TMEM165: variants seen among roughly 807,000 people sequenced by gnomAD.
TMEM165 encodes transmembrane protein 165.
A neutral mutation model predicts 30.0 loss-of-function variants in TMEM165; 19 were observed. The ratio of observed to expected loss-of-function variants is 0.63; its 90% CI spans 0.44 to 0.93. The LOEUF (loss-of-function observed/expected upper bound fraction) is 0.93. Among genes scored for constraint, TMEM165 ranks in the 40% least tolerant of loss-of-function variants. The pLI is 0.00. For missense variants in TMEM165, 340 were observed against 417.0 expected (o/e 0.82, Z 1.61); for synonymous variants, 168 against 162.9 (o/e 1.03, Z -0.24).
intron 3 of TMEM165, among the ~76,000 whole-genome samples, chr4:55,440,354 A>G (rs983686169): frequency 3.3e-5 from 5 of 152,192 alleles, no homozygotes; most frequent in African/African-American, 7.2e-5. Context: ...TTGAAATGAA[A>G]GAACAATAAC....
Position 55,396,179 on chromosome 4 carries a change from C to G in TMEM165, c.-11C>G, listed in dbSNP as rs1720711891. 7.3e-7 allele frequency: 1 copy of G among 1,378,806 alleles called. No homozygotes were observed. Among genetic ancestry groups the G allele is most frequent in the East Asian group, 3.1e-5 (1 of 32,180 alleles). The allele number at this position is 1,378,806 out of a possible 1,614,324, so 85.4% of individuals were successfully genotyped here. A position where few individuals can be genotyped will look rare whatever the true frequency, so the allele number is the denominator to read the frequency against. On this transcript the variant is annotated 5_prime_UTR_variant, in exon 1 of 6. Coordinates refer to ENST00000381334, the MANE Select transcript of TMEM165 (RefSeq NM_018475.5). ...TTGCGGCGCCCGTGCGCGGCCGGCC[C>G]GGCAGGCGGGATGGCGGCCGCGGCT...
chr4:55,400,278 ATAT>A (rs1188574632), intron 1 of TMEM165, among the ~76,000 whole-genome samples: 5,428 of 106,896 alleles, frequency 0.051, 545 homozygotes, highest in African/African-American at 0.2. Context: ...ATATAATATA[ATAT>A]TATATATTAT....
In TMEM165 at chr4:55,425,431, A is replaced by T; in HGVS notation, c.954A>T (p.Ile318=). ...FLAFAFSALF[I]SPDSGF ...CGTTTGCATTTTCTGCACTATTTAT[A>T]AGCCCTGATTCTGGTTTTTAACAAG... The change falls in exon 6 of 6, where the codon ATA becomes ATT. Residue 318 remains isoleucine, a synonymous_variant. Coordinates refer to ENST00000381334, the MANE Select transcript of TMEM165 (RefSeq NM_018475.5). 6.2e-7 allele frequency: 1 copy of T among 1,609,642 alleles called. No individual in the cohort carries two copies. The highest frequency in any genetic ancestry group is 8.5e-7 in the Non-Finnish European group (1 of 1,178,700).
At chr4:55,447,355 C>T (rs1357248111) in intron 3 of TMEM165, among the ~76,000 whole-genome samples, 3 of 139,258 alleles carry the variant, frequency 2.2e-5, no homozygotes, top group Admixed American at 1.5e-4. Flanking sequence ...CAGGGTGAGG[C>T]GTCGTCTCAA....
chr4:55,436,173 G>A (rs980193358), intron 3 of TMEM165, among the ~76,000 whole-genome samples: 35 of 152,158 alleles, frequency 2.3e-4, no homozygotes, highest in African/African-American at 8.4e-4. Context: ...ACCACATTGG[G>A]TTCTTAATAA....
intron 4 of TMEM165, 156 bp downstream of exon 4, chr4:55,418,141 T>C (rs905461300): frequency 3.1e-5 from 19 of 607,204 alleles, no homozygotes; most frequent in Admixed American, 8.3e-5. Flanking sequence ...AAATTGGCCT[T>C]CTCCCAGTTC....
chr4:55,395,998 C>T lies in TMEM165; in HGVS notation c.-192C>T, dbSNP rs1720702627. 3 of 405,446 alleles carry T rather than the reference C, an allele frequency of 7.4e-6. No individual in the cohort carries two copies. Among genetic ancestry groups the T allele is most frequent in the South Asian group, 9.7e-5 (1 of 10,356 alleles). The allele number at this position is 405,446 out of a possible 1,614,324, so 25.1% of individuals were successfully genotyped here. The stretch of plus-strand genomic sequence containing the variant: ...CCGCCGGAGAGGACGGGCGCCGAGC[C>T]GGGGCTGCGGACTTCGGCCTGCCCC... On this transcript the variant is annotated 5_prime_UTR_variant, in exon 1 of 6. Transcript: ENST00000381334.
chr4:55,409,697 C>T (rs1721407347), intron 1 of TMEM165, among the ~76,000 whole-genome samples: 1 of 152,190 alleles, frequency 6.6e-6, no homozygotes, highest in South Asian at 2.1e-4. Flanking sequence ...CAAAATCGCC[C>T]TGGTTGAGAA....
downstream of TMEM165, chr4:55,429,161 T>C (rs992628163): frequency 1.4e-5 from 2 of 147,540 alleles, no homozygotes; most frequent in African/African-American, 2.5e-5. Flanking sequence ...TTATAAACAT[T>C]TGAATGTCAT....
At chr4:55,444,862 A>G in intron 3 of TMEM165, 1 of 1,442,012 alleles carries the variant, frequency 6.9e-7, no homozygotes, top group Non-Finnish European at 9.5e-7. Flanking sequence ...CATGAAAAGT[A>G]AGCAGTATAA....
At chr4:55,443,563 T>C (rs1237538943) in intron 3 of TMEM165, 1 of 780,006 alleles carries the variant, frequency 1.3e-6, no homozygotes, top group Non-Finnish European at 2.2e-6. Context: ...CTCAATACTA[T>C]ACTTTCTAAA....
At chr4:55,399,947 G>A (rs993871311) in intron 1 of TMEM165, among the ~76,000 whole-genome samples, 1 of 149,262 alleles carries the variant, frequency 6.7e-6, no homozygotes, top group South Asian at 2.1e-4. Context: ...TTTTAGTTAG[G>A]CATTTATTTA....
chr4:55,412,393 CAAAAA>C (rs371124857), intron 2 of TMEM165, among the ~76,000 whole-genome samples: 12 of 54,374 alleles, frequency 2.2e-4, no homozygotes, highest in Middle Eastern at 0.023. Flanking sequence ...GACTCCATCT[CAAAAA>C]AAAAAAAAAA....
At chr4:55,425,350 T>G in intron 5 of TMEM165, 26 bp from the exon 6 acceptor site, 2 of 1,600,106 alleles carry the variant, frequency 1.2e-6, no homozygotes, top group Non-Finnish European at 1.7e-6. Context: ...TTTTACTGTA[T>G]TTGACTTTTT....
chr4:55,425,492 GTAT>G lies in TMEM165; in HGVS notation c.*44_*46del. ...ATCTATATTTAGTTTAAAATAGGTA[GTAT>G]TATCTTTCTGTACATAGTGTACATT... On this transcript the variant is annotated 3_prime_UTR_variant, in exon 6 of 6. Transcript: ENST00000381334. 1 of 1,465,170 alleles carries G rather than the reference GTAT, an allele frequency of 6.8e-7. No homozygotes were observed. The highest frequency in any genetic ancestry group is 9.5e-7 in the Non-Finnish European group (1 of 1,047,490). 90.8% of individuals were successfully genotyped at this position (1,465,170 alleles called of 1,614,324 possible).
intron 3 of TMEM165, among the ~76,000 whole-genome samples, chr4:55,442,986 T>C (rs756700177): frequency 6.6e-6 from 1 of 152,180 alleles, no homozygotes; most frequent in Non-Finnish European, 1.5e-5. Flanking sequence ...GTCACAGATC[T>C]ACAGTAATTA....
At chr4:55,425,255 T>C (rs1722145137) in intron 5 of TMEM165, 121 bp from the exon 6 acceptor site, 1 of 739,144 alleles carries the variant, frequency 1.4e-6, no homozygotes, top group Admixed American at 2.6e-5. Context: ...CTAATTTGTT[T>C]TCAAGGTTAG....
rs545349547 is a variant in TMEM165 at position 55,417,750 on chromosome 4, C to G, written c.610-53C>G. The G allele has an allele frequency of 2.9e-6, 4 of 1,371,030 alleles. No homozygotes were observed. The East Asian group carries it at 9.8e-5, about 34-fold the overall frequency. 84.9% of individuals were successfully genotyped at this position (1,371,030 alleles called of 1,614,324 possible). Reference sequence around the variant, plus strand: ...TTAGAAAAGTCAAGTGATTTGTGTGCTATTTTGATTTGCTTCCTGTGCTTA... The same window carrying G: ...TTAGAAAAGTCAAGTGATTTGTGTGGTATTTTGATTTGCTTCCTGTGCTTA... On this transcript the variant is annotated intron_variant, in intron 3 of 5. Transcript: ENST00000381334.
At chr4:55,427,707 G>T (rs564625911), downstream of TMEM165, among the ~76,000 whole-genome samples, 14 of 152,302 alleles carry the variant, frequency 9.2e-5, no homozygotes, top group Non-Finnish European at 1.9e-4. Context: ...CCATCATCGT[G>T]TAACCTCAGT....
Sources: allele counts gnomAD v4.1 joint callset (sites outside exome capture counted in the v4.1 genomes callset), GRCh38; gene constraint gnomAD v4.1.1; transcripts MANE v1.5; gene names NCBI Gene and HGNC (gene_info 2026-07-23, HGNC 2026-07-21).